RBMS3: variants seen among roughly 807,000 people sequenced by gnomAD.
RBMS3 encodes RNA-binding motif, single-stranded-interacting protein 3.
Under a neutral mutation model 66.8 loss-of-function variants are expected in RBMS3, and 27 were observed. The observed-to-expected ratio is 0.40, with a 90% CI of 0.30 to 0.56. The LOEUF (loss-of-function observed/expected upper bound fraction) is 0.56, where lower values mean the gene tolerates loss of function less well. Among genes scored for constraint, RBMS3 ranks in the 20% least tolerant of loss-of-function variants. The pLI is 0.40. For synonymous variants in RBMS3, 188 were observed against 183.0 expected, an observed-to-expected ratio of 1.03 and a Z score of -0.22; for missense variants, 513 against 549.5, an observed-to-expected ratio of 0.93 and a Z score of 0.66.
intron 12 of RBMS3, among the ~76,000 whole-genome samples, chr3:29,972,468 CCT>C (rs71688962): frequency 0.1 from 15,895 of 151,778 alleles, 1,519 homozygotes; most frequent in African/African-American, 0.23. Flanking sequence ...CCATTTTCTC[CCT>C]GTCTTCATTT....
At chr3:29,730,961 A>C (rs561606704) in intron 4 of RBMS3, 1 of 982,556 alleles carries the variant, frequency 1.0e-6, no homozygotes, top group East Asian at 1.1e-4. Context: ...TGGAGGGAGA[A>C]ATCAAGGAAA....
intron 1 of RBMS3, among the ~76,000 whole-genome samples, chr3:29,386,518 C>A (rs939231722): frequency 6.6e-6 from 1 of 152,118 alleles, no homozygotes; most frequent in Admixed American, 6.5e-5. Flanking sequence ...GAGGGTCCTT[C>A]GTAGCAAAGA....
chr3:29,729,766 A>G lies in RBMS3; in HGVS notation c.400-9954A>G, dbSNP rs149268984. 6.0e-3 allele frequency among the ~76,000 whole-genome samples: 918 copies of G among 151,952 alleles called. 16 individuals carry two copies. The highest frequency in any genetic ancestry group is 0.023 in the Admixed American group (354 of 15,252). On this transcript the variant is annotated intron_variant, in intron 4 of 14. Transcript: ENST00000383767. ...ATGATGAGAATTTTTTAATTGGGAA[A>G]AACTACTTCAAAGTTCATATGGAAC...
intron 4 of RBMS3, among the ~76,000 whole-genome samples, chr3:29,609,846 C>G (rs1180968454): frequency 6.6e-6 from 1 of 151,988 alleles, no homozygotes; most frequent in Non-Finnish European, 1.5e-5. Context: ...CCTTTCTAAT[C>G]AGATGCAAGG....
In RBMS3 at chr3:29,505,156, G is replaced by A. The variant is rs192815141; in HGVS notation, c.307+16657G>A. ...CAGACCAATGTCACAGAGCTTTTCG[G>A]CTGTGTTTTCTTCTAGTAGTTTTAT... is the stretch of plus-strand genomic sequence containing the variant. On this transcript the variant is annotated intron_variant, in intron 3 of 14. Transcript: ENST00000383767. 1.3e-3 allele frequency among the ~76,000 whole-genome samples: 192 copies of A among 151,994 alleles called. 1 individual carries two copies. Among genetic ancestry groups the A allele is most frequent in the Non-Finnish European group, 2.0e-3 (134 of 67,894 alleles).
intron 13 of RBMS3, 117 bp from the exon 14 acceptor site, chr3:29,990,965 C>A: frequency 2.2e-6 from 2 of 903,534 alleles, no homozygotes; most frequent in Non-Finnish European, 3.4e-6. Context: ...ATTGTGACTT[C>A]ATGTAGCTGA....
chr3:29,803,384 C>T (rs2057448289), intron 6 of RBMS3, among the ~76,000 whole-genome samples: 1 of 151,976 alleles, frequency 6.6e-6, no homozygotes, highest in South Asian at 2.1e-4. Flanking sequence ...AAATATAAAA[C>T]ATTATCTAAA....
chr3:29,724,008 TA>T (rs146519996), intron 4 of RBMS3, among the ~76,000 whole-genome samples: 9,468 of 144,554 alleles, frequency 0.065, 875 homozygotes, highest in African/African-American at 0.21. Context: ...AATTGCTCCT[TA>T]AAAAAAAAAA....
intron 6 of RBMS3, among the ~76,000 whole-genome samples, chr3:29,804,681 G>A (rs1327941845): frequency 2.0e-5 from 3 of 151,926 alleles, no homozygotes; most frequent in Non-Finnish European, 4.4e-5. Context: ...ACCAGAAATA[G>A]GCTAGTCGTT....
At chr3:29,744,039 T>C (rs967045142) in intron 5 of RBMS3, among the ~76,000 whole-genome samples, 1 of 151,968 alleles carries the variant, frequency 6.6e-6, no homozygotes, top group African/African-American at 2.4e-5. Flanking sequence ...CTAACAAGTT[T>C]CCAGGTGATA....
intron 6 of RBMS3, among the ~76,000 whole-genome samples, chr3:29,828,190 C>G (rs2058260032): frequency 1.3e-5 from 2 of 152,120 alleles, no homozygotes; most frequent in Admixed American, 1.3e-4. Context: ...TTCAGCCACA[C>G]AAAATTTCAC....
intron 12 of RBMS3, among the ~76,000 whole-genome samples, chr3:29,960,998 T>G (rs1307225119): frequency 1.3e-5 from 2 of 152,206 alleles, no homozygotes; most frequent in African/African-American, 4.8e-5. Context: ...TCCTCATTAC[T>G]TATGCAATTT....
At chr3:29,543,701 C>G (rs1315785854) in intron 3 of RBMS3, among the ~76,000 whole-genome samples, 1 of 152,106 alleles carries the variant, frequency 6.6e-6, no homozygotes, top group Non-Finnish European at 1.5e-5. Context: ...CAGAGAGAGA[C>G]TCTGTCTCAA....
At chr3:29,613,519 C>A (rs901909327) in intron 4 of RBMS3, among the ~76,000 whole-genome samples, 8 of 152,014 alleles carry the variant, frequency 5.3e-5, no homozygotes, top group Non-Finnish European at 2.9e-5. Context: ...ATTTGTTTGT[C>A]TTTTGAGAAA....
intron 4 of RBMS3, among the ~76,000 whole-genome samples, chr3:29,716,586 T>G (rs1389223729): frequency 6.6e-6 from 1 of 152,190 alleles, no homozygotes; most frequent in South Asian, 2.1e-4. Flanking sequence ...ACTGCCATTT[T>G]CCTTTTATTA....
intron 1 of RBMS3, among the ~76,000 whole-genome samples, chr3:29,402,740 T>G (rs1321618681): frequency 2.6e-5 from 4 of 152,012 alleles, no homozygotes; most frequent in Non-Finnish European, 5.9e-5. Context: ...GTATTAAATT[T>G]TATGTTTTTC....
At chr3:29,358,303 A>G (rs1005851437) in intron 1 of RBMS3, among the ~76,000 whole-genome samples, 12 of 152,198 alleles carry the variant, frequency 7.9e-5, no homozygotes, top group Non-Finnish European at 1.5e-4. Context: ...TAAATAGGAA[A>G]TCCTTTACCC....
In RBMS3 at chr3:29,798,288, A is replaced by G. The variant is rs1352031259; in HGVS notation, c.637+35299A>G. On this transcript the variant is annotated intron_variant, in intron 6 of 14. Coordinates refer to ENST00000383767, the MANE Select transcript of RBMS3 (RefSeq NM_001003793.3). The stretch of plus-strand genomic sequence containing the variant: ...AGGGAAGGGAAGGGAAGGGAAGGGA[A>G]GAGAAGGGAAGGGAGGGGAAGGGAG... Among the ~76,000 whole-genome samples, 5 of 105,706 alleles carry G rather than the reference A, an allele frequency of 4.7e-5. No individual in the cohort carries two copies. The East Asian group carries it at 1.7e-3, about 36-fold the overall frequency. The allele number at this position is 105,706 out of a possible 152,430, so 69.3% of individuals were successfully genotyped here.
At chr3:29,314,229 A>G (rs1464427141) in intron 1 of RBMS3, among the ~76,000 whole-genome samples, 1 of 151,796 alleles carries the variant, frequency 6.6e-6, no homozygotes, top group Non-Finnish European at 1.5e-5. Flanking sequence ...GATGTAATGT[A>G]GTTGGCAGTT....
Sources: allele counts gnomAD v4.1 joint callset (sites outside exome capture counted in the v4.1 genomes callset), GRCh38; gene constraint gnomAD v4.1.1; transcripts MANE v1.5; gene names NCBI Gene and HGNC (gene_info 2026-07-23, HGNC 2026-07-21).